PRKD1: variants seen among roughly 807,000 people sequenced by gnomAD.
The protein encoded by PRKD1 is serine/threonine-protein kinase D1.
A neutral mutation model predicts 95.9 loss-of-function variants in PRKD1; 63 were observed. The ratio of observed to expected loss-of-function variants is 0.66; its 90% CI spans 0.54 to 0.81. The LOEUF (loss-of-function observed/expected upper bound fraction) is 0.81. Among genes scored for constraint, PRKD1 ranks in the 30% least tolerant of loss-of-function variants. The probability of loss-of-function intolerance (pLI) is 0.00; values close to 1 mark genes in which losing one functional copy is unlikely to be tolerated. For synonymous variants in PRKD1, 425 were observed against 423.1 expected (o/e 1.00, Z -0.05); for missense variants, 1,048 against 1,165.3 (o/e 0.90, Z 1.47).
In PRKD1 at chr14:29,636,498, G is replaced by A. The variant is rs769162423; in HGVS notation, c.986-4C>T. 1 of 1,613,946 alleles carries A rather than the reference G, an allele frequency of 6.2e-7. No homozygotes were observed. The highest frequency in any genetic ancestry group is 1.1e-5 in the South Asian group (1 of 91,082). On this transcript the variant is annotated splice_polypyrimidine_tract_variant and splice_region_variant and intron_variant, in intron 6 of 17. Transcript: ENST00000331968. Reference sequence around the variant, plus strand: ...TCTGCCCCAGGGCTAAGCAAATCTAGAAAATTATTTTCACCCATGAAGATA... The same window carrying A: ...TCTGCCCCAGGGCTAAGCAAATCTAAAAAATTATTTTCACCCATGAAGATA...
At chr14:29,795,272 A>G (rs1889763982) in intron 1 of PRKD1, among the ~76,000 whole-genome samples, 1 of 151,880 alleles carries the variant, frequency 6.6e-6, no homozygotes. Flanking sequence ...CTCTTTTTAT[A>G]TATTTGAAAT....
chr14:29,879,122 C>G (rs769731608), intron 1 of PRKD1, among the ~76,000 whole-genome samples: 5 of 152,180 alleles, frequency 3.3e-5, no homozygotes, highest in Admixed American at 1.3e-4. Context: ...TTCACCTGCT[C>G]TCCACCAAGG....
chr14:29,814,786 A>T (rs1294278776), intron 1 of PRKD1, among the ~76,000 whole-genome samples: 1 of 152,146 alleles, frequency 6.6e-6, no homozygotes, highest in African/African-American at 2.4e-5. Context: ...TCTCTCATTG[A>T]TTCCTTAGCA....
At chr14:29,841,296 G>A (rs1029388604) in intron 1 of PRKD1, among the ~76,000 whole-genome samples, 3 of 152,164 alleles carry the variant, frequency 2.0e-5, no homozygotes, top group Admixed American at 6.5e-5. Context: ...GGACTGTTGG[G>A]AAGGCATGAT....
intron 1 of PRKD1, among the ~76,000 whole-genome samples, chr14:29,758,704 A>G (rs929938438): frequency 1.3e-5 from 2 of 152,190 alleles, no homozygotes; most frequent in African/African-American, 4.8e-5. Flanking sequence ...TTATTTTTAA[A>G]TTGGGAGATT....
rs140727698 is a variant in PRKD1 at position 29,633,924 on chromosome 14, C to T, written c.1314+494G>A. Among the ~76,000 whole-genome samples the T allele has an allele frequency of 5.2e-3, 798 of 152,316 alleles. 2 individuals carry two copies. The highest frequency in any genetic ancestry group is 8.9e-3 in the Non-Finnish European group (606 of 68,030). Reference sequence around the variant, plus strand: ...TGAAACGTGAATCAAGTTGTTCTCTCTTACGTACGTACACAACCTCATTCC... The same window carrying T: ...TGAAACGTGAATCAAGTTGTTCTCTTTTACGTACGTACACAACCTCATTCC... On this transcript the variant is annotated intron_variant, in intron 8 of 17. Transcript: ENST00000331968.
At chr14:29,808,269 T>C (rs573213769) in intron 1 of PRKD1, among the ~76,000 whole-genome samples, 8 of 151,114 alleles carry the variant, frequency 5.3e-5, no homozygotes, top group Non-Finnish European at 7.4e-5. Flanking sequence ...TTCTAGATTC[T>C]ATCAAAAGAA....
rs140989152 is a variant in PRKD1, at chr14:29,687,696, C to T, written c.404-21488G>A. On this transcript the variant is annotated intron_variant, in intron 2 of 17. Coordinates refer to ENST00000331968, the MANE Select transcript of PRKD1 (RefSeq NM_002742.3). ...TCTTTGTTAAATGAGTATTTATGTG[C>T]CTTTGTCTTCTGATCATCTTCCCTG... 2.2e-3 allele frequency among the ~76,000 whole-genome samples: 331 copies of T among 152,288 alleles called. 1 individual carries two copies. The highest frequency in any genetic ancestry group is 3.7e-3 in the Non-Finnish European group (253 of 68,032).
chr14:29,878,652 C>T (rs1893391909), intron 1 of PRKD1, among the ~76,000 whole-genome samples: 1 of 152,108 alleles, frequency 6.6e-6, no homozygotes, highest in Non-Finnish European at 1.5e-5. Context: ...ATAAACTAGA[C>T]ACAAAAGAAT....
At chr14:29,729,087 T>G (rs1160259644) in intron 1 of PRKD1, among the ~76,000 whole-genome samples, 1 of 152,174 alleles carries the variant, frequency 6.6e-6, no homozygotes, top group Non-Finnish European at 1.5e-5. Flanking sequence ...TAATAAATCC[T>G]TGCATAACCA....
chr14:29,619,657 G>A (rs530287031), intron 13 of PRKD1, among the ~76,000 whole-genome samples: 17 of 152,246 alleles, frequency 1.1e-4, no homozygotes, highest in Admixed American at 1.0e-3. Flanking sequence ...AGAGAAGTAT[G>A]GAGAAGGGGG....
At chr14:29,772,040 T>C (rs539257934) in intron 1 of PRKD1, among the ~76,000 whole-genome samples, 6 of 152,240 alleles carry the variant, frequency 3.9e-5, no homozygotes, top group Non-Finnish European at 8.8e-5. Flanking sequence ...GGGCGAATCA[T>C]ACAATGACTC....
intron 12 of PRKD1, 149 bp downstream of exon 12, chr14:29,626,335 A>T (rs181042595): frequency 7.0e-5 from 45 of 645,804 alleles, no homozygotes; most frequent in Non-Finnish European, 1.0e-4. Context: ...TCTCAAAAAA[A>T]TTTTTTAAAC....
At chr14:29,770,868 G>C (rs1042313380) in intron 1 of PRKD1, among the ~76,000 whole-genome samples, 2 of 138,652 alleles carry the variant, frequency 1.4e-5, no homozygotes, top group African/African-American at 2.8e-5. Flanking sequence ...AAGATCACTT[G>C]AGCCCAGGAG....
chr14:29,844,608 T>A (rs1892006646), intron 1 of PRKD1, among the ~76,000 whole-genome samples: 1 of 152,220 alleles, frequency 6.6e-6, no homozygotes, highest in Non-Finnish European at 1.5e-5. Context: ...GGGTAATGTA[T>A]GGACATGTAT....
At chr14:29,623,242 C>G (rs1879396244) in intron 13 of PRKD1, among the ~76,000 whole-genome samples, 1 of 152,146 alleles carries the variant, frequency 6.6e-6, no homozygotes, top group South Asian at 2.1e-4. Context: ...TGTTATTTTT[C>G]TATGTTTAGC....
At chr14:29,844,713 T>G (rs1165773214) in intron 1 of PRKD1, among the ~76,000 whole-genome samples, 2 of 152,154 alleles carry the variant, frequency 1.3e-5, no homozygotes, top group Admixed American at 1.3e-4. Context: ...TAACAGTAGT[T>G]TAATCAATAC....
chr14:29,656,360 C>A, intron 4 of PRKD1: 1 of 1,156,716 alleles, frequency 8.6e-7, no homozygotes, highest in South Asian at 1.4e-5. Context: ...GAGCTAAACT[C>A]TGACCTGATT....
chr14:29,827,239 A>C (rs1184471071), intron 1 of PRKD1, among the ~76,000 whole-genome samples: 1 of 152,030 alleles, frequency 6.6e-6, no homozygotes, highest in Non-Finnish European at 1.5e-5. Context: ...ATTTTTTTTA[A>C]AAAAGACAGG....
Sources: gnomAD v4.1 joint callset for allele counts (sites outside exome capture counted in the v4.1 genomes callset) on GRCh38, gnomAD v4.1.1 for gene constraint, MANE v1.5 for transcripts, NCBI Gene and HGNC (gene_info 2026-07-23, HGNC 2026-07-21) for gene names.